Variants in IPO11 observed in about 807,000 individuals in gnomAD.
IPO11 encodes the protein importin 11.
A neutral mutation model predicts 143.2 loss-of-function variants in IPO11; 66 were observed. That is an observed-to-expected ratio of 0.46 (90% confidence interval 0.38 to 0.57). The LOEUF (loss-of-function observed/expected upper bound fraction) is 0.57, where lower values mean the gene tolerates loss of function less well. Ranked by LOEUF, IPO11 falls within the 20% of genes least tolerant of loss-of-function variation. The probability of loss-of-function intolerance (pLI) is 0.00; values close to 1 mark genes in which losing one functional copy is unlikely to be tolerated. For missense variants in IPO11, 1,026 were observed against 1,141.0 expected (o/e 0.90, Z 1.45); for synonymous variants, 385 against 377.8 (o/e 1.02, Z -0.22).
chr5:62,561,536 C>T (rs1250476405), intron 27 of IPO11, among the ~76,000 whole-genome samples: 2 of 151,904 alleles, frequency 1.3e-5, no homozygotes, highest in South Asian at 2.1e-4. Context: ...TTTATAATTA[C>T]GTTTTATTAG....
At chr5:62,476,815 AATG>A in intron 9 of IPO11, 62 bp downstream of exon 9, 1 of 1,404,610 alleles carries the variant, frequency 7.1e-7, no homozygotes, top group Non-Finnish European at 9.5e-7. Flanking sequence ...TACAAAGGAA[AATG>A]ATATTTTTAT....
At chr5:62,439,939 G>A (rs1374909943) in intron 2 of IPO11, among the ~76,000 whole-genome samples, 4 of 152,100 alleles carry the variant, frequency 2.6e-5, no homozygotes, top group Admixed American at 2.6e-4. Flanking sequence ...ATTTCTACTT[G>A]GATTGACATC....
chr5:62,417,977 C>T (rs1743363402), intron 1 of IPO11, among the ~76,000 whole-genome samples: 1 of 152,138 alleles, frequency 6.6e-6, no homozygotes, highest in South Asian at 2.1e-4. Flanking sequence ...ATTTCCAACT[C>T]TCCAACTAGC....
intron 20 of IPO11, among the ~76,000 whole-genome samples, chr5:62,520,766 G>A (rs1742177623): frequency 1.3e-5 from 2 of 152,214 alleles, no homozygotes; most frequent in Admixed American, 1.3e-4. Flanking sequence ...ATGGACATTT[G>A]GGTTGGTTCC....
At chr5:62,576,353 A>G (rs1561369695) in intron 27 of IPO11, 1 of 152,266 alleles carries the variant, frequency 6.6e-6, no homozygotes, top group Non-Finnish European at 1.5e-5. Flanking sequence ...TTTTAATTGC[A>G]AATCCCATTT....
chr5:62,443,280 T>A, intron 3 of IPO11, 197 bp downstream of exon 3: 1 of 443,116 alleles, frequency 2.3e-6, no homozygotes. Flanking sequence ...GTTTGATATT[T>A]AAAAAAAATG....
chr5:62,496,001 G>A (rs1262505647), intron 16 of IPO11, among the ~76,000 whole-genome samples: 1 of 152,022 alleles, frequency 6.6e-6, no homozygotes, highest in Non-Finnish European at 1.5e-5. Flanking sequence ...TTAAAAATGT[G>A]CATTTGTGGC....
At chr5:62,504,567 A>G (rs1031301903) in intron 16 of IPO11, 100 bp from the exon 17 acceptor site, 2 of 663,662 alleles carry the variant, frequency 3.0e-6, no homozygotes, top group African/African-American at 3.8e-5. Context: ...TAATAATAAT[A>G]AGAGTACAGA....
At chr5:62,452,388 T>G (rs1163572822) in intron 5 of IPO11, among the ~76,000 whole-genome samples, 1 of 151,332 alleles carries the variant, frequency 6.6e-6, no homozygotes, top group Non-Finnish European at 1.5e-5. Context: ...AAAGATCACT[T>G]AGTTGCCAGT....
chr5:62,457,584 G>A (rs1174433545), intron 5 of IPO11, among the ~76,000 whole-genome samples: 1 of 152,172 alleles, frequency 6.6e-6, no homozygotes, highest in Non-Finnish European at 1.5e-5. Context: ...TACTTCAGAA[G>A]GTCATCGTGA....
At chr5:62,502,247 T>C (rs1741370205) in intron 16 of IPO11, among the ~76,000 whole-genome samples, 1 of 152,168 alleles carries the variant, frequency 6.6e-6, no homozygotes, top group Admixed American at 6.5e-5. Context: ...TTTCTGAGGT[T>C]TCAGCTGGGG....
At chr5:62,493,218 A>C (rs1741011143) in intron 15 of IPO11, among the ~76,000 whole-genome samples, 1 of 152,184 alleles carries the variant, frequency 6.6e-6, no homozygotes, top group Non-Finnish European at 1.5e-5. Flanking sequence ...ATTTATATGA[A>C]AGTTTTATAT....
chr5:62,457,028 C>T (rs778486009), intron 5 of IPO11, among the ~76,000 whole-genome samples: 18 of 152,070 alleles, frequency 1.2e-4, no homozygotes, highest in Non-Finnish European at 1.9e-4. Context: ...TGCAGTGAGC[C>T]GAGATCACGC....
At chr5:62,565,517 A>G (rs1480022551) in intron 27 of IPO11, among the ~76,000 whole-genome samples, 2 of 152,110 alleles carry the variant, frequency 1.3e-5, no homozygotes, top group Non-Finnish European at 2.9e-5. Context: ...AACCGATGAC[A>G]ACTTTAATTT....
At chr5:62,444,097 CTTTTTTT>C (rs533439906) in intron 3 of IPO11, among the ~76,000 whole-genome samples, 2 of 139,202 alleles carry the variant, frequency 1.4e-5, no homozygotes, top group Non-Finnish European at 3.1e-5. Flanking sequence ...ATGTCTTTTT[CTTTTTTT>C]TTTTTTTTTG....
At chr5:62,550,615 C>A (rs933808016) in intron 25 of IPO11, among the ~76,000 whole-genome samples, 153 bp downstream of exon 25, 1 of 152,138 alleles carries the variant, frequency 6.6e-6, no homozygotes, top group African/African-American at 2.4e-5. Context: ...TTTGCCTTTT[C>A]CTGTTCCACA....
chr5:62,433,776 C>T (rs1283431660), intron 1 of IPO11, among the ~76,000 whole-genome samples: 4 of 152,164 alleles, frequency 2.6e-5, no homozygotes, highest in Non-Finnish European at 5.9e-5. Flanking sequence ...GTAAGGATTG[C>T]TTTGCTGTGT....
At chr5:62,566,390 T>C (rs1008408405) in intron 27 of IPO11, among the ~76,000 whole-genome samples, 4 of 151,900 alleles carry the variant, frequency 2.6e-5, no homozygotes, top group Admixed American at 1.3e-4. Context: ...TGATGTTGAG[T>C]TTTTTTTCAT....
chr5:62,484,137 G>A lies in IPO11; in HGVS notation c.1149G>A (p.Met383Ile). Reference protein sequence around the residue: ...YFLLTEEELTMWEEDPEGFTV... With the variant: ...YFLLTEEELTIWEEDPEGFTV... The stretch of plus-strand genomic sequence containing the variant: ...TATTAACTGAAGAAGAACTGACAAT[G>A]TGGGAAGAAGACCCAGAAGGCTTTA... The change falls in exon 11 of 30, where the codon ATG (methionine) becomes ATA (isoleucine). Residue 383 changes from methionine (M) to isoleucine (I), a missense_variant. Physicochemically the swap from Met to Ile is conservative, Grantham distance 10. Transcript: ENST00000325324. 1 of 1,603,988 alleles carries A rather than the reference G, an allele frequency of 6.2e-7. No homozygotes were observed. Among genetic ancestry groups the A allele is most frequent in the Non-Finnish European group, 8.5e-7 (1 of 1,177,348 alleles).
Sources: allele counts gnomAD v4.1 joint callset (sites outside exome capture counted in the v4.1 genomes callset), GRCh38; gene constraint gnomAD v4.1.1; transcripts MANE v1.5; gene names NCBI Gene and HGNC (gene_info 2026-07-23, HGNC 2026-07-21).